The following ST8SIA3 variants were observed in gnomAD, a reference collection of about 807,000 sequenced individuals.
ST8SIA3 encodes ST8 alpha-N-acetyl-neuraminide alpha-2,8-sialyltransferase 3.
In ST8SIA3, 17 loss-of-function variants were observed where a neutral mutation model predicts 34.5. That is an observed-to-expected ratio of 0.49 (90% confidence interval 0.34 to 0.74). The LOEUF (loss-of-function observed/expected upper bound fraction) is 0.74, where lower values mean the gene tolerates loss of function less well. Ranked by LOEUF, ST8SIA3 falls within the 30% of genes least tolerant of loss-of-function variation. ST8SIA3 has a pLI of 0.01. For synonymous variants in ST8SIA3, 172 were observed against 176.1 expected (o/e 0.98, Z 0.19); for missense variants, 354 against 467.8 (o/e 0.76, Z 2.24).
At position 57,352,730 on chromosome 18, in the gene ST8SIA3, G is replaced by T. The variant is rs867436182; in HGVS notation, c.-117G>T. On this transcript the variant is annotated 5_prime_UTR_variant, in exon 1 of 4. Transcript: ENST00000324000. Reference sequence around the variant, plus strand: ...CCCCTCCTCCGCCACACGCGCGCGCGCTCACACACACACACACACACACAC... The same window carrying T: ...CCCCTCCTCCGCCACACGCGCGCGCTCTCACACACACACACACACACACAC... 1.1e-5 allele frequency: 2 copies of T among 179,768 alleles called. No homozygotes were observed. Among genetic ancestry groups the T allele is most frequent in the African/African-American group, 1.1e-4 (1 of 9,286 alleles). The allele number at this position is 179,768 out of a possible 1,614,324, so 11.1% of individuals were successfully genotyped here.
chr18:57,353,093 C>T (rs2049774526), intron 1 of ST8SIA3, 68 bp downstream of exon 1: 3 of 1,541,226 alleles, frequency 1.9e-6, no homozygotes, highest in Admixed American at 1.7e-5. Flanking sequence ...GAAGGGAAGG[C>T]GTGGGGGAGG....
rs955719344 is a variant in ST8SIA3 at position 57,366,633 on chromosome 18, T to G, written c.*6356T>G. The G allele has an allele frequency of 2.6e-5, 4 of 152,332 alleles. No individual in the cohort carries two copies. The highest frequency in any genetic ancestry group is 2.6e-4 in the Admixed American group (4 of 15,306). The allele number at this position is 152,332 out of a possible 1,614,324, so 9.4% of individuals were successfully genotyped here. On this transcript the variant is annotated 3_prime_UTR_variant, in exon 4 of 4. Transcript: ENST00000324000. ...GTAAGCTCACTTGGCTCTACATATC[T>G]GGAAAGGCACTGAGGTTCCAAGGTC...
In ST8SIA3 at chr18:57,352,993, G is replaced by A. The variant is rs1383037424; in HGVS notation, c.147G>A (p.Ala49=). ...FTTPKYASPG[A]PRMYMFHAGF... The stretch of plus-strand genomic sequence containing the variant: ...CTCCCAAGTACGCCAGCCCGGGGGC[G>A]CCCCGAATGTACATGTTCCACGCGG... The change falls in exon 1 of 4, where the codon GCG becomes GCA. Residue 49 remains alanine (A), a synonymous_variant. Coordinates refer to ENST00000324000, the MANE Select transcript of ST8SIA3 (RefSeq NM_015879.3). 2 of 1,610,900 alleles carry A rather than the reference G, an allele frequency of 1.2e-6. No individual in the cohort carries two copies. Among genetic ancestry groups the A allele is most frequent in the Non-Finnish European group, 8.5e-7 (1 of 1,179,914 alleles).
Position 57,360,593 on chromosome 18 carries a change from A to G in ST8SIA3, c.*316A>G, listed in dbSNP as rs1307943804. The G allele has an allele frequency of 3.4e-6, 1 of 297,980 alleles. No homozygotes were observed. Among genetic ancestry groups the G allele is most frequent in the African/African-American group, 2.1e-5 (1 of 46,588 alleles). 18.5% of individuals were successfully genotyped at this position (297,980 alleles called of 1,614,324 possible). A position where few individuals can be genotyped will look rare whatever the true frequency, so the allele number is the denominator to read the frequency against. ...ACTGCCTCTCATTTTTATGAGGACT[A>G]GAGCTATAGTTTCTGCAGCTCTGCT... On this transcript the variant is annotated 3_prime_UTR_variant, in exon 4 of 4. Transcript: ENST00000324000.
chr18:57,360,515 A>C lies in ST8SIA3; in HGVS notation c.*238A>C, dbSNP rs946150348. On this transcript the variant is annotated 3_prime_UTR_variant, in exon 4 of 4. Coordinates refer to ENST00000324000, the MANE Select transcript of ST8SIA3 (RefSeq NM_015879.3). ...TAAAGGGAATGTTGCATTTGGGACT[A>C]TGCTGCTAACGAAATGGTTTGAAGT... is the stretch of plus-strand genomic sequence containing the variant. 1.4e-5 allele frequency: 7 copies of C among 511,470 alleles called. No individual in the cohort carries two copies. The highest frequency in any genetic ancestry group is 2.4e-5 in the Non-Finnish European group (7 of 289,962). 31.7% of individuals were successfully genotyped at this position (511,470 alleles called of 1,614,324 possible).
Position 57,365,110 on chromosome 18 carries a change from C to G in ST8SIA3, c.*4833C>G. 1 of 152,180 alleles carries G rather than the reference C, an allele frequency of 6.6e-6. No individual in the cohort carries two copies. The highest frequency in any genetic ancestry group is 1.9e-4 in the East Asian group (1 of 5,200). The allele number at this position is 152,180 out of a possible 1,614,324, so 9.4% of individuals were successfully genotyped here. A position where few individuals can be genotyped will look rare whatever the true frequency, so the allele number is the denominator to read the frequency against. On this transcript the variant is annotated 3_prime_UTR_variant, in exon 4 of 4. Coordinates refer to ENST00000324000, the MANE Select transcript of ST8SIA3 (RefSeq NM_015879.3). ...GCAACTCTTCAAAATACAATTCTTG[C>G]CACTCATTCTGGACCTTTGATTCAT...
intron 3 of ST8SIA3, 39 bp downstream of exon 3, chr18:57,357,509 G>A (rs2144203078): frequency 6.7e-7 from 1 of 1,502,412 alleles, no homozygotes; most frequent in Non-Finnish European, 9.1e-7. Flanking sequence ...TACTCCACCA[G>A]ATGGCAAATC....
At chr18:57,356,242 C>T (rs2049797048) in intron 2 of ST8SIA3, among the ~76,000 whole-genome samples, 1 of 152,108 alleles carries the variant, frequency 6.6e-6, no homozygotes, top group Admixed American at 6.6e-5. Context: ...TTATAATAGC[C>T]ATGTTTTCTA....
rs1036489621 is a variant in ST8SIA3 at position 57,354,339 on chromosome 18, T to C, written c.180-63T>C. The C allele has an allele frequency of 1.9e-5, 30 of 1,606,404 alleles. No homozygotes were observed. The East Asian group carries it at 6.7e-4, about 36-fold the overall frequency. ...CCTCGCCCCAGCCGCTGCACTTTAA[T>C]GGCTACCTCGGCTTCCCCGAGCTGA... On this transcript the variant is annotated intron_variant, in intron 1 of 3. Coordinates refer to ENST00000324000, the MANE Select transcript of ST8SIA3 (RefSeq NM_015879.3).
intron 2 of ST8SIA3, 96 bp downstream of exon 2, chr18:57,354,620 A>G: frequency 6.8e-7 from 1 of 1,466,700 alleles, no homozygotes; most frequent in Non-Finnish European, 9.3e-7. Flanking sequence ...CATCTAAAAC[A>G]ACAAACATCT....
Position 57,352,732 on chromosome 18 carries a change from TCACACACACACACACACA to T in ST8SIA3, c.-94_-77del, listed in dbSNP as rs59006823. 2.8e-5 allele frequency: 11 copies of T among 390,402 alleles called. No individual in the cohort carries two copies. Among genetic ancestry groups the T allele is most frequent in the South Asian group, 8.1e-5 (4 of 49,584 alleles). 24.2% of individuals were successfully genotyped at this position (390,402 alleles called of 1,614,324 possible). On this transcript the variant is annotated 5_prime_UTR_variant, in exon 1 of 4. Transcript: ENST00000324000. ...CCTCCTCCGCCACACGCGCGCGCGC[TCACACACACACACACACA>T]CACACACACACACACACACATATAT...
At chr18:57,355,568 A>G (rs2049794081) in intron 2 of ST8SIA3, among the ~76,000 whole-genome samples, 2 of 152,196 alleles carry the variant, frequency 1.3e-5, no homozygotes, top group Admixed American at 1.3e-4. Context: ...AAATTAGTTC[A>G]TGAAAATTGA....
rs2049857382 is a variant in ST8SIA3 at position 57,365,796 on chromosome 18, A to G, written c.*5519A>G. Reference sequence around the variant, plus strand: ...TGGCCTTGTACCACCTCTGTTGGATAATGTGCCACCGTCCTAATGAAGCTT... The same window carrying G: ...TGGCCTTGTACCACCTCTGTTGGATGATGTGCCACCGTCCTAATGAAGCTT... On this transcript the variant is annotated 3_prime_UTR_variant, in exon 4 of 4. Transcript: ENST00000324000. The G allele has an allele frequency of 6.6e-6, 1 of 152,190 alleles. No homozygotes were observed. The highest frequency in any genetic ancestry group is 2.4e-5 in the African/African-American group (1 of 41,438). The allele number at this position is 152,190 out of a possible 1,614,324, so 9.4% of individuals were successfully genotyped here. A position where few individuals can be genotyped will look rare whatever the true frequency, so the allele number is the denominator to read the frequency against.
rs2049830024 is a variant in ST8SIA3, at chr18:57,361,435, A to G, written c.*1158A>G. On this transcript the variant is annotated 3_prime_UTR_variant, in exon 4 of 4. Transcript: ENST00000324000. ...CGTTTTCCGTATCATTGTGTGCACC[A>G]CCACCAATCCAGAACCATTTGCTCT... is the stretch of plus-strand genomic sequence containing the variant. 6.6e-6 allele frequency: 1 copy of G among 152,658 alleles called. No individual in the cohort carries two copies. Among genetic ancestry groups the G allele is most frequent in the Non-Finnish European group, 1.5e-5 (1 of 68,064 alleles). The allele number at this position is 152,658 out of a possible 1,614,324, so 9.5% of individuals were successfully genotyped here.
rs2049850994 is a variant in ST8SIA3 at position 57,364,776 on chromosome 18, G to A, written c.*4499G>A. The A allele has an allele frequency of 6.6e-6, 1 of 152,624 alleles. No individual in the cohort carries two copies. The highest frequency in any genetic ancestry group is 1.5e-5 in the Non-Finnish European group (1 of 68,028). 9.5% of individuals were successfully genotyped at this position (152,624 alleles called of 1,614,324 possible). Reference sequence around the variant, plus strand: ...ATTCATTATGCCTCTCTCACACTCCGATTGCTTTGCCACATAGATAACAGC... The same window carrying A: ...ATTCATTATGCCTCTCTCACACTCCAATTGCTTTGCCACATAGATAACAGC... On this transcript the variant is annotated 3_prime_UTR_variant, in exon 4 of 4. Coordinates refer to ENST00000324000, the MANE Select transcript of ST8SIA3 (RefSeq NM_015879.3).
intron 3 of ST8SIA3, among the ~76,000 whole-genome samples, chr18:57,359,319 T>G (rs2049816390): frequency 6.6e-6 from 1 of 152,180 alleles, no homozygotes; most frequent in African/African-American, 2.4e-5. Flanking sequence ...TTAATGTATC[T>G]TACACACTTT....
chr18:57,356,591 T>C (rs2049798692), intron 2 of ST8SIA3, among the ~76,000 whole-genome samples: 1 of 152,228 alleles, frequency 6.6e-6, no homozygotes, highest in Non-Finnish European at 1.5e-5. Context: ...CCCTGTATTT[T>C]CTGACACAAT....
In ST8SIA3 at chr18:57,360,051, A is replaced by C; in HGVS notation, c.917A>C (p.Tyr306Ser). 1 of 1,614,124 alleles carries C rather than the reference A, an allele frequency of 6.2e-7. No homozygotes were observed. Residue 306 changes from tyrosine (Y) to serine (S), a missense_variant, in exon 4 of 4, where the codon TAC (tyrosine) becomes TCC (serine). Tyr to Ser is a moderately radical substitution (Grantham distance 144). Coordinates refer to ENST00000324000, the MANE Select transcript of ST8SIA3 (RefSeq NM_015879.3). The stretch of plus-strand genomic sequence containing the variant: ...CGGCTGAGCACAGGTATTCTTATGT[A>C]CACCCTTGCATCAGCAATATGTGAA... ...PKRLSTGILM[Y>S]TLASAICEEI...
intron 2 of ST8SIA3, among the ~76,000 whole-genome samples, chr18:57,356,212 T>C (rs2049796933): frequency 6.6e-6 from 1 of 152,220 alleles, no homozygotes; most frequent in African/African-American, 2.4e-5. Context: ...ATTGCTAGAA[T>C]ATGGAAATAT....
Sources: allele counts gnomAD v4.1 joint callset (sites outside exome capture counted in the v4.1 genomes callset), GRCh38; gene constraint gnomAD v4.1.1; transcripts MANE v1.5; gene names NCBI Gene and HGNC (gene_info 2026-07-23, HGNC 2026-07-21).